SRRM2: variants seen among roughly 807,000 people sequenced by gnomAD.
SRRM2 encodes serine/arginine repetitive matrix protein 2.
In SRRM2, 30 loss-of-function variants were observed where a neutral mutation model predicts 213.8. That is an observed-to-expected ratio of 0.14 (90% CI 0.10 to 0.19). The LOEUF (loss-of-function observed/expected upper bound fraction) is 0.19. Ranked by LOEUF, SRRM2 falls within the 10% of genes least tolerant of loss-of-function variation. The pLI is 1.00. For missense variants in SRRM2, 4,904 were observed against 3,647.0 expected, an observed-to-expected ratio of 1.34 and a Z score of -8.88; for synonymous variants, 2,025 against 1,377.7, an observed-to-expected ratio of 1.47 and a Z score of -10.40.
chr16:2,770,408 A>G lies in SRRM2; in HGVS notation c.8078A>G (p.Tyr2693Cys), dbSNP rs762724176. 2 of 1,610,316 alleles carry G rather than the reference A, an allele frequency of 1.2e-6. No individual in the cohort carries two copies. The highest frequency in any genetic ancestry group is 3.3e-5 in the Admixed American group (2 of 59,720). Residue 2693 changes from tyrosine to cysteine, a missense_variant, in exon 13 of 15, where the codon TAC becomes TGC. Coordinates refer to ENST00000301740, the MANE Select transcript of SRRM2 (RefSeq NM_016333.4). Reference sequence around the variant, plus strand: ...CTCAGGGACTCTCGGTCCCTCAGCTACTCGCCTGTGGAGCGTCGCCGTCCC... The same window carrying G: ...CTCAGGGACTCTCGGTCCCTCAGCTGCTCGCCTGTGGAGCGTCGCCGTCCC... The part of the protein sequence containing the change: ...DSLRDSRSLS[Y>C]SPVERRRPSP...
intron 1 of SRRM2, chr16:2,753,482 A>G (rs1463877838): frequency 2.0e-5 from 3 of 152,234 alleles, no homozygotes; most frequent in African/African-American, 7.2e-5. Flanking sequence ...CAAATCTTAA[A>G]AACTGTGAAG....
In SRRM2 at chr16:2,761,604, C is replaced by G; in HGVS notation, c.1076C>G (p.Thr359Arg). Residue 359 changes from threonine (T) to arginine (R), a missense_variant, in exon 11 of 15, where the codon ACA becomes AGA. Transcript: ENST00000301740. ...AGCCCCTCTCCGGAAAGGAGCAGCACAGGCCCAGAACCACCTGCTCCCACT... is the reference window on the plus strand; with the variant it reads ...AGCCCCTCTCCGGAAAGGAGCAGCAGAGGCCCAGAACCACCTGCTCCCACT... Reference protein sequence around the residue: ...RPSPSPERSSTGPEPPAPTPL... With the variant: ...RPSPSPERSSRGPEPPAPTPL... The G allele has an allele frequency of 6.5e-7, 1 of 1,540,456 alleles. No homozygotes were observed. The highest frequency in any genetic ancestry group is 8.7e-7 in the Non-Finnish European group (1 of 1,149,042).
chr16:2,768,852 A>C, intron 11 of SRRM2, 145 bp from the exon 12 acceptor site: 19 of 1,511,784 alleles, frequency 1.3e-5, no homozygotes, highest in Non-Finnish European at 1.6e-5. Context: ...ACTGCTCTCC[A>C]GAGAATTGCT....
chr16:2,765,033 C>T lies in SRRM2; in HGVS notation c.4505C>T (p.Ser1502Phe), dbSNP rs1356523691. ...TPRPRSRSPSSPELNNKCLTP... is the reference protein window; with the variant it reads ...TPRPRSRSPSFPELNNKCLTP... ...AGGCCGAGGAGTCGTTCTCCATCAT[C>T]CCCAGAGCTCAACAACAAGTGTCTT... Residue 1502 changes from serine (S) to phenylalanine (F), a missense_variant, in exon 11 of 15, where the codon TCC (serine) becomes TTC (phenylalanine). Physicochemically the swap from Ser to Phe is radical, Grantham distance 155 (BLOSUM62 -2). Transcript: ENST00000301740. 1.2e-6 allele frequency: 2 copies of T among 1,613,892 alleles called. No homozygotes were observed. Among genetic ancestry groups the T allele is most frequent in the African/African-American group, 2.7e-5 (2 of 74,932 alleles).
chr16:2,752,795 AGCG>A lies in SRRM2; in HGVS notation c.-74_-72del. ...GCCCGAGGGACTCGGGAGCTCGAGC[AGCG>A]GCGGCGGCAAGACCTCTCCCCCTCG... is the stretch of plus-strand genomic sequence containing the variant. On this transcript the variant is annotated 5_prime_UTR_variant, in exon 1 of 15. Coordinates refer to ENST00000301740, the MANE Select transcript of SRRM2 (RefSeq NM_016333.4). The A allele has an allele frequency of 8.7e-6, 3 of 344,904 alleles. No individual in the cohort carries two copies. The highest frequency in any genetic ancestry group is 7.1e-5 in the Admixed American group (2 of 28,044). 21.4% of individuals were successfully genotyped at this position (344,904 alleles called of 1,614,324 possible). A position where few individuals can be genotyped will look rare whatever the true frequency, so the allele number is the denominator to read the frequency against.
chr16:2,768,297 G>T, intron 11 of SRRM2, 36 bp downstream of exon 11: 1 of 1,518,978 alleles, frequency 6.6e-7, no homozygotes, highest in East Asian at 2.3e-5. Flanking sequence ...CTTCAGTGGG[G>T]GAGGTATTGG....
At chr16:2,759,116 T>G in intron 6 of SRRM2, 24 bp from the exon 7 acceptor site, 1 of 1,614,110 alleles carries the variant, frequency 6.2e-7, no homozygotes, top group Non-Finnish European at 8.5e-7. Context: ...TTTCTTATGT[T>G]TTTTCTTCTC....
At chr16:2,761,055 TC>T (rs2068327059) in intron 10 of SRRM2, among the ~76,000 whole-genome samples, 1 of 152,240 alleles carries the variant, frequency 6.6e-6, no homozygotes, top group African/African-American at 2.4e-5. Context: ...CTTAACTACT[TC>T]CTTATTGCTT....
At chr16:2,761,471 T>C (rs2068345291) in intron 10 of SRRM2, 90 bp from the exon 11 acceptor site, 2 of 1,119,188 alleles carry the variant, frequency 1.8e-6, no homozygotes, top group African/African-American at 3.2e-5. Context: ...AAAAGAAAAG[T>C]TATCATTGGA....
In SRRM2 at chr16:2,763,618, T is replaced by TCC; in HGVS notation, c.3090_3091insCC (p.Gly1031ProfsTer10). 2.0e-5 allele frequency: 32 copies of TCC among 1,614,144 alleles called. No individual in the cohort carries two copies. Among genetic ancestry groups the TCC allele is most frequent in the Non-Finnish European group, 2.6e-5 (31 of 1,180,040 alleles). ...AAGACTCACTAGTTCAAAGTTGCCC[T>TCC]GGATCCCTCTCTCTCTGTGCAGGAG... On this transcript the variant is annotated frameshift_variant, in exon 11 of 15. Coordinates refer to ENST00000301740, the MANE Select transcript of SRRM2 (RefSeq NM_016333.4). LOFTEE classifies it high-confidence loss of function.
rs1170754299 is a variant in SRRM2, at chr16:2,764,057, A to G, written c.3529A>G (p.Thr1177Ala). 3.1e-6 allele frequency: 5 copies of G among 1,614,126 alleles called. 1 individual carries two copies. In the South Asian group the frequency reaches 3.3e-5, roughly 11 times the overall value. The change falls in exon 11 of 15, where the codon ACT becomes GCT. Residue 1177 changes from threonine to alanine, a missense_variant. Physicochemically the swap from Thr to Ala is moderately conservative, Grantham distance 58 (BLOSUM62 0). Coordinates refer to ENST00000301740, the MANE Select transcript of SRRM2 (RefSeq NM_016333.4). Reference sequence around the variant, plus strand: ...GGCCTTACCCCCTCAGGAGGATGCTACTGCATCACCTCCTAGACAGAAAGA... The same window carrying G: ...GGCCTTACCCCCTCAGGAGGATGCTGCTGCATCACCTCCTAGACAGAAAGA... ...KMALPPQEDA[T>A]ASPPRQKDKF... is the part of the protein sequence containing the mutation.
rs201066554 is a variant in SRRM2, at chr16:2,770,587, T to G, written c.8136-17T>G. The G allele has an allele frequency of 1.9e-6, 3 of 1,553,012 alleles. No homozygotes were observed. Among genetic ancestry groups the G allele is most frequent in the Admixed American group, 1.9e-5 (1 of 51,302 alleles). On this transcript the variant is annotated splice_polypyrimidine_tract_variant and intron_variant, in intron 13 of 14. Transcript: ENST00000301740. Reference sequence around the variant, plus strand: ...GGTGGTGCCACCCTGTGGCCTGATGTCTGTCCTGTGTTGCAGCAGCAGCAG... The same window carrying G: ...GGTGGTGCCACCCTGTGGCCTGATGGCTGTCCTGTGTTGCAGCAGCAGCAG...
Position 2,766,290 on chromosome 16 carries a change from G to A in SRRM2, c.5762G>A (p.Arg1921Lys), listed in dbSNP as rs1223660387. The A allele has an allele frequency of 1.9e-6, 3 of 1,614,208 alleles. No individual in the cohort carries two copies. Among genetic ancestry groups the A allele is most frequent in the African/African-American group, 1.3e-5 (1 of 75,040 alleles). Residue 1921 changes from arginine (R) to lysine (K), a missense_variant, in exon 11 of 15, where the codon AGG becomes AAG. Arg to Lys is a conservative substitution (Grantham distance 26, BLOSUM62 2). Transcript: ENST00000301740. The surrounding 1 kb of genome is among the most constrained non-coding windows in gnomAD (Gnocchi z 7.0). The stretch of plus-strand genomic sequence containing the variant: ...TCAAGAGCATCCCCAGTGAGCAGAA[G>A]GCGATCCAGATCCAGAACGCCACCA... ...SRSRASPVSR[R>K]RSRSRTPPVT...
Position 2,762,788 on chromosome 16 carries a change from A to G in SRRM2, c.2260A>G (p.Ile754Val), listed in dbSNP as rs759450683. The G allele has an allele frequency of 6.2e-7, 1 of 1,614,164 alleles. No homozygotes were observed. The highest frequency in any genetic ancestry group is 1.1e-5 in the South Asian group (1 of 91,074). Reference protein sequence around the residue: ...NSSPEMKKSRISSRRSRSLSS... With the variant: ...NSSPEMKKSRVSSRRSRSLSS... Reference sequence around the variant, plus strand: ...AAGCCCAGAAATGAAGAAATCTCGCATTTCTTCAAGGCGGAGCAGGTCTCT... The same window carrying G: ...AAGCCCAGAAATGAAGAAATCTCGCGTTTCTTCAAGGCGGAGCAGGTCTCT... Residue 754 changes from isoleucine to valine, a missense_variant, in exon 11 of 15, where the codon ATT (isoleucine) becomes GTT (valine). Physicochemically the swap from Ile to Val is conservative, Grantham distance 29. Coordinates refer to ENST00000301740, the MANE Select transcript of SRRM2 (RefSeq NM_016333.4).
chr16:2,759,841 T>A, intron 9 of SRRM2, 180 bp downstream of exon 9: 1 of 586,740 alleles, frequency 1.7e-6, no homozygotes, highest in Non-Finnish European at 3.0e-6. Flanking sequence ...TTTCCCCTTC[T>A]CTTTTTTTTT....
intron 10 of SRRM2, 115 bp from the exon 11 acceptor site, chr16:2,761,443 TGTG>T: frequency 2.7e-6 from 2 of 749,558 alleles, no homozygotes; most frequent in Middle Eastern, 2.5e-4. Context: ...AGTGATCGCT[TGTG>T]GTCAGAGGGT....
In SRRM2 at chr16:2,766,268, A is replaced by G. The variant is rs773223989; in HGVS notation, c.5740A>G (p.Arg1914Gly). ...AGTGACTCGACGAAGATCCCGGTCA[A>G]GAGCATCCCCAGTGAGCAGAAGGCG... The part of the protein sequence containing the change: ...TSVTRRRSRS[R>G]ASPVSRRRSR... The change falls in exon 11 of 15, where the codon AGA becomes GGA. Residue 1914 changes from arginine to glycine, a missense_variant. Coordinates refer to ENST00000301740, the MANE Select transcript of SRRM2 (RefSeq NM_016333.4). This position sits in a 1 kb window ranked among gnomAD's most constrained non-coding sequence, Gnocchi z 7.0. 4 of 1,614,192 alleles carry G rather than the reference A, an allele frequency of 2.5e-6. No homozygotes were observed. The South Asian group carries it at 4.4e-5, about 18-fold the overall frequency.
rs1365763738 is a variant in SRRM2 at position 2,763,461 on chromosome 16, A to G, written c.2933A>G (p.Lys978Arg). 4.3e-6 allele frequency: 7 copies of G among 1,614,032 alleles called. No homozygotes were observed. In the Middle Eastern group the frequency reaches 6.6e-4, roughly 152 times the overall value. ...SHSGSSSPDTKVKPETPPRQS... is the reference protein window; with the variant it reads ...SHSGSSSPDTRVKPETPPRQS... ...TCTGGGTCCTCCTCACCAGATACCAAAGTGAAACCTGAAACACCGCCAAGA... is the reference window on the plus strand; with the variant it reads ...TCTGGGTCCTCCTCACCAGATACCAGAGTGAAACCTGAAACACCGCCAAGA... The change falls in exon 11 of 15, where the codon AAA becomes AGA. Residue 978 changes from lysine (K) to arginine (R), a missense_variant. Coordinates refer to ENST00000301740, the MANE Select transcript of SRRM2 (RefSeq NM_016333.4).
At chr16:2,758,674 A>T in intron 5 of SRRM2, 127 bp downstream of exon 5, 1 of 896,340 alleles carries the variant, frequency 1.1e-6, no homozygotes, top group Non-Finnish European at 1.8e-6. Flanking sequence ...GGGAGTTACC[A>T]TTGAGGCCTC....
Sources: gnomAD v4.1 joint callset for allele counts (sites outside exome capture counted in the v4.1 genomes callset) on GRCh38, gnomAD v4.1.1 for gene constraint, Gnocchi (gnomAD v3.1) non-coding constraint, MANE v1.5 for transcripts, NCBI Gene and HGNC (gene_info 2026-07-23, HGNC 2026-07-21) for gene names.